Variants in LTBP1 observed in about 807,000 individuals in gnomAD.
The protein encoded by LTBP1 is latent-transforming growth factor beta-binding protein 1.
Under a neutral mutation model 207.6 loss-of-function variants are expected in LTBP1, and 129 were observed. The ratio of observed to expected loss-of-function variants is 0.62; its 90% confidence interval spans 0.54 to 0.72. The LOEUF (loss-of-function observed/expected upper bound fraction) is 0.72. Among genes scored for constraint, LTBP1 ranks in the 30% least tolerant of loss-of-function variants. The probability of loss-of-function intolerance (pLI) is 0.00; values close to 1 mark genes in which losing one functional copy is unlikely to be tolerated. For synonymous variants in LTBP1, 963 were observed against 833.7 expected, an observed-to-expected ratio of 1.16 and a Z score of -2.67; for missense variants, 2,281 against 2,217.2, an observed-to-expected ratio of 1.03 and a Z score of -0.58.
chr2:33,113,967 G>C (rs900006190), intron 4 of LTBP1, among the ~76,000 whole-genome samples: 1 of 152,094 alleles, frequency 6.6e-6, no homozygotes, highest in Admixed American at 6.5e-5. Context: ...CAGCCTTCTG[G>C]GTAGCTGGGA....
In LTBP1 at chr2:33,228,284, C is replaced by G. The variant is rs1051993360; in HGVS notation, c.1876+6133C>G. On this transcript the variant is annotated intron_variant, in intron 9 of 33. Transcript: ENST00000404816. ...TTTAATAACTAAATTTACTGTGTGC[C>G]AGATGCTTTGTTTAATAAGCACTTT... Among the ~76,000 whole-genome samples the G allele has an allele frequency of 3.3e-5, 5 of 152,082 alleles. No homozygotes were observed. In the South Asian group the frequency reaches 1.0e-3, roughly 31 times the overall value.
intron 4 of LTBP1, among the ~76,000 whole-genome samples, chr2:33,113,233 T>C (rs1442976375): frequency 6.6e-6 from 1 of 152,154 alleles, no homozygotes; most frequent in Non-Finnish European, 1.5e-5. Flanking sequence ...TTAATATTGA[T>C]ATATTACAAG....
intron 2 of LTBP1, among the ~76,000 whole-genome samples, chr2:32,975,621 T>TTTTTTTTTTTTTTG (rs1558461916): frequency 2.3e-5 from 2 of 87,070 alleles, no homozygotes; most frequent in African/African-American, 8.2e-5. Context: ...TTTTTTTTTT[T>TTTTTTTTTTTTTTG]GTCTGACTGG....
chr2:33,338,708 G>A (rs1200261026), intron 24 of LTBP1, among the ~76,000 whole-genome samples: 1 of 152,134 alleles, frequency 6.6e-6, no homozygotes, highest in African/African-American at 2.4e-5. Flanking sequence ...AGGGGAAAGG[G>A]GTGGCATGGA....
intron 9 of LTBP1, among the ~76,000 whole-genome samples, chr2:33,235,114 A>G (rs1287889735): frequency 6.6e-6 from 1 of 152,232 alleles, no homozygotes; most frequent in Admixed American, 6.5e-5. Context: ...CAAACAGGCA[A>G]ACTACAGAAT....
chr2:33,027,294 C>T (rs12619542), intron 3 of LTBP1, among the ~76,000 whole-genome samples: 8,391 of 152,136 alleles, frequency 0.055, 560 homozygotes, highest in East Asian at 0.28. Context: ...CATTGTAAAA[C>T]GATTACCACA....
At chr2:33,150,729 T>C (rs1178047083) in intron 5 of LTBP1, among the ~76,000 whole-genome samples, 2 of 124,906 alleles carry the variant, frequency 1.6e-5, no homozygotes, top group Non-Finnish European at 3.4e-5. Flanking sequence ...TTTTTTTTTT[T>C]TTTTTTTGAG....
intron 15 of LTBP1, among the ~76,000 whole-genome samples, chr2:33,263,633 AG>A (rs1424761033): frequency 6.6e-6 from 1 of 152,250 alleles, no homozygotes; most frequent in African/African-American, 2.4e-5. Context: ...TAATATCATG[AG>A]GAAATATGGC....
At chr2:33,014,942 T>C (rs1688165048) in intron 2 of LTBP1, among the ~76,000 whole-genome samples, 1 of 152,056 alleles carries the variant, frequency 6.6e-6, no homozygotes, top group Non-Finnish European at 1.5e-5. Flanking sequence ...CAGTGGGCTT[T>C]CTGCAAGCCC....
At position 33,295,508 on chromosome 2, in the gene LTBP1, C is replaced by T. The variant is rs187358398; in HGVS notation, c.3235+2226C>T. On this transcript the variant is annotated intron_variant, in intron 20 of 33. Coordinates refer to ENST00000404816, the MANE Select transcript of LTBP1 (RefSeq NM_206943.4). ...TGCCACTGCACACCAGCCTGAGTGA[C>T]AGAGCAAGACTCAAAATAGAGTCTC... 2.4e-4 allele frequency among the ~76,000 whole-genome samples: 37 copies of T among 152,030 alleles called. 1 individual carries two copies. The East Asian group carries it at 7.1e-3, about 29-fold the overall frequency.
chr2:33,068,041 C>A (rs190272806), intron 3 of LTBP1, among the ~76,000 whole-genome samples: 28 of 151,968 alleles, frequency 1.8e-4, no homozygotes, highest in Non-Finnish European at 1.0e-4. Context: ...ATCATATGCT[C>A]CTGGATAACA....
Position 33,252,791 on chromosome 2 carries a change from G to A in LTBP1, c.2114G>A (p.Ser705Asn), listed in dbSNP as rs768410084. Residue 705 changes from serine (S) to asparagine (N), a missense_variant, in exon 11 of 34, where the codon AGT becomes AAT. Ser to Asn is a conservative substitution (Grantham distance 46). Transcript: ENST00000404816. ...CTCACCAAGCAGCTCTGCTGTTGTA[G>A]TGTGGGCAAGGCCTGGGGCCCACAC... is the stretch of plus-strand genomic sequence containing the variant. ...VHLTKQLCCCSVGKAWGPHCE... is the reference protein window; with the variant it reads ...VHLTKQLCCCNVGKAWGPHCE... The A allele has an allele frequency of 8.1e-6, 13 of 1,613,764 alleles. No individual in the cohort carries two copies. Among genetic ancestry groups the A allele is most frequent in the African/African-American group, 1.3e-5 (1 of 74,920 alleles).
chr2:33,003,380 G>A lies in LTBP1; in HGVS notation c.566-17529G>A, dbSNP rs538630436. Among the ~76,000 whole-genome samples the A allele has an allele frequency of 3.3e-5, 5 of 152,310 alleles. No individual in the cohort carries two copies. The South Asian group carries it at 6.2e-4, about 19-fold the overall frequency. ...CAACCATCCCCAATTTATAGATGTTGCAGTTGAGGCTTAAGAGGGTTAAAT... is the reference window on the plus strand; with the variant it reads ...CAACCATCCCCAATTTATAGATGTTACAGTTGAGGCTTAAGAGGGTTAAAT... On this transcript the variant is annotated intron_variant, in intron 2 of 33. Transcript: ENST00000404816.
chr2:33,086,934 A>T (rs1042408986), intron 3 of LTBP1, among the ~76,000 whole-genome samples: 2 of 151,712 alleles, frequency 1.3e-5, no homozygotes, highest in South Asian at 4.2e-4. Context: ...GGATATTTGC[A>T]TTGTGTTTTA....
intron 5 of LTBP1, among the ~76,000 whole-genome samples, chr2:33,143,050 ACTT>A (rs1266759902): frequency 1.3e-5 from 2 of 152,034 alleles, no homozygotes; most frequent in African/African-American, 4.8e-5. Flanking sequence ...CCAATCCTCT[ACTT>A]CTGCCAAACT....
intron 24 of LTBP1, among the ~76,000 whole-genome samples, chr2:33,315,591 T>C (rs1419905707): frequency 6.6e-6 from 1 of 152,206 alleles, no homozygotes; most frequent in Non-Finnish European, 1.5e-5. Flanking sequence ...CCCTTTCCCC[T>C]GGGACTCTGC....
At chr2:33,384,471 A>G (rs947249461) in intron 31 of LTBP1, among the ~76,000 whole-genome samples, 6 of 152,178 alleles carry the variant, frequency 3.9e-5, no homozygotes, top group Admixed American at 2.0e-4. Context: ...TAGATTCCAG[A>G]TGGACACATT....
At chr2:32,997,146 A>T (rs1685414549) in intron 2 of LTBP1, among the ~76,000 whole-genome samples, 1 of 152,088 alleles carries the variant, frequency 6.6e-6, no homozygotes. Flanking sequence ...CGGCCTCCCA[A>T]GGTGCTGGGA....
chr2:33,335,729 C>A (rs2094547195), intron 24 of LTBP1, among the ~76,000 whole-genome samples: 1 of 152,186 alleles, frequency 6.6e-6, no homozygotes, highest in African/African-American at 2.4e-5. Flanking sequence ...GCTGGTTTAA[C>A]ATCTTTCACT....
Sources: allele counts gnomAD v4.1 joint callset (sites outside exome capture counted in the v4.1 genomes callset), GRCh38; gene constraint gnomAD v4.1.1; transcripts MANE v1.5; gene names NCBI Gene and HGNC (gene_info 2026-07-23, HGNC 2026-07-21).